Variants in ZNF609 observed in about 807,000 individuals in gnomAD.
The protein encoded by ZNF609 is zinc finger protein 609.
In ZNF609, 11 loss-of-function variants were observed where a neutral mutation model predicts 109.5. The ratio of observed to expected loss-of-function variants is 0.10; its 90% CI spans 0.06 to 0.17. The LOEUF is 0.17. ZNF609 is among the 10% of genes least tolerant of loss of function. The pLI, the probability that ZNF609 is intolerant of heterozygous loss-of-function variation, is 1.00. For missense variants in ZNF609, 1,559 were observed against 1,772.4 expected (o/e 0.88, Z 2.16); for synonymous variants, 646 against 662.0 (o/e 0.98, Z 0.37).
intron 2 of ZNF609, among the ~76,000 whole-genome samples, chr15:64,511,878 C>T (rs892720935): frequency 2.0e-5 from 3 of 151,792 alleles, no homozygotes; most frequent in Non-Finnish European, 4.4e-5. Context: ...CCACGCCCAG[C>T]TAATTTTTGT....
chr15:64,555,918 C>T (rs1434908692), intron 2 of ZNF609, among the ~76,000 whole-genome samples: 1 of 147,780 alleles, frequency 6.8e-6, no homozygotes, highest in Admixed American at 6.7e-5. Flanking sequence ...AAAAGAAAAC[C>T]TGAAGATTCA....
intron 3 of ZNF609, among the ~76,000 whole-genome samples, chr15:64,633,037 G>A (rs1007066386): frequency 6.6e-6 from 1 of 151,730 alleles, no homozygotes; most frequent in Non-Finnish European, 1.5e-5. Context: ...TCCTGCCTCA[G>A]CCTCACAAAG....
At position 64,674,928 on chromosome 15, in the gene ZNF609, G is replaced by T; in HGVS notation, c.2074G>T (p.Ala692Ser). The T allele has an allele frequency of 6.2e-7, 1 of 1,613,862 alleles. No individual in the cohort carries two copies. ...TTCCTCAGGCTTGACCGCCACAGTG[G>T]CACAAGCCATGCCCAACAGTCCCCA... Reference protein sequence around the residue: ...GSSSGLTATVAQAMPNSPQLK... With the variant: ...GSSSGLTATVSQAMPNSPQLK... The change falls in exon 5 of 10, where the codon GCA (alanine) becomes TCA (serine). Residue 692 changes from alanine to serine, a missense_variant. Transcript: ENST00000326648.
At chr15:64,588,874 G>T (rs1895247437) in intron 2 of ZNF609, among the ~76,000 whole-genome samples, 2 of 152,082 alleles carry the variant, frequency 1.3e-5, no homozygotes, top group Admixed American at 1.3e-4. Flanking sequence ...CTGACCTCGG[G>T]TTCGGGTTAT....
At chr15:64,481,397 C>T (rs375296833) in intron 1 of ZNF609, among the ~76,000 whole-genome samples, 58 of 149,948 alleles carry the variant, frequency 3.9e-4, no homozygotes, top group African/African-American at 1.4e-3. Flanking sequence ...CTCGGCTCAC[C>T]GCAACCTCTG....
At chr15:64,596,292 T>C (rs1895397286) in intron 2 of ZNF609, among the ~76,000 whole-genome samples, 1 of 152,134 alleles carries the variant, frequency 6.6e-6, no homozygotes, top group South Asian at 2.1e-4. Flanking sequence ...TAGCTGGGAT[T>C]ACAGGCATGC....
intron 3 of ZNF609, among the ~76,000 whole-genome samples, chr15:64,650,310 G>A (rs1421678303): frequency 6.6e-6 from 1 of 151,432 alleles, no homozygotes; most frequent in East Asian, 1.9e-4. Flanking sequence ...CCAGCTACTT[G>A]GGAGGCTGAG....
intron 3 of ZNF609, chr15:64,652,755 A>C (rs546847323): frequency 6.6e-6 from 1 of 151,908 alleles, no homozygotes; most frequent in Admixed American, 6.6e-5. Flanking sequence ...CTGATCTTCA[A>C]CTCCTGGACT....
chr15:64,564,851 T>C (rs1385934938), intron 2 of ZNF609, among the ~76,000 whole-genome samples: 2 of 151,848 alleles, frequency 1.3e-5, no homozygotes, highest in Non-Finnish European at 2.9e-5. Flanking sequence ...CTGTTTTTTT[T>C]TTTTTTTCTT....
chr15:64,484,956 A>G (rs996508550), intron 1 of ZNF609, among the ~76,000 whole-genome samples: 2 of 152,194 alleles, frequency 1.3e-5, no homozygotes, highest in Admixed American at 6.5e-5. Context: ...CTTGGGCGAC[A>G]GCGAGACTCC....
At chr15:64,679,470 C>G (rs2045865965) in intron 6 of ZNF609, among the ~76,000 whole-genome samples, 1 of 152,206 alleles carries the variant, frequency 6.6e-6, no homozygotes, top group South Asian at 2.1e-4. Flanking sequence ...TGGAAGGGCA[C>G]TGCTTTAGCC....
intron 1 of ZNF609, among the ~76,000 whole-genome samples, chr15:64,488,319 A>C (rs895259803): frequency 6.6e-6 from 1 of 152,240 alleles, no homozygotes. Context: ...GGGCATTGAT[A>C]TGATTCTGCT....
intron 3 of ZNF609, among the ~76,000 whole-genome samples, chr15:64,645,493 T>A (rs1896322570): frequency 6.6e-6 from 1 of 152,090 alleles, no homozygotes; most frequent in South Asian, 2.1e-4. Flanking sequence ...CCTGATTTTT[T>A]AGCTATGACA....
chr15:64,635,228 C>G (rs1301892235), intron 3 of ZNF609, among the ~76,000 whole-genome samples: 3 of 152,128 alleles, frequency 2.0e-5, no homozygotes, highest in Non-Finnish European at 4.4e-5. Flanking sequence ...AAATGAGATT[C>G]TTTTTATATT....
In ZNF609 at chr15:64,680,795, ACACCACCAC is replaced by A. The variant is rs747894291; in HGVS notation, c.4105_4113del (p.His1369_His1371del). ...CTCCTTCCCAGCGCCTGATGTCCACACACCACCACCACCACCACTTGGGGTACTCATTGC... is the reference window on the plus strand; with the variant it reads ...CTCCTTCCCAGCGCCTGATGTCCACACACCACCACTTGGGGTACTCATTGC... On this transcript the variant is annotated inframe_deletion, in exon 8 of 10. Transcript: ENST00000326648. The A allele has an allele frequency of 1.9e-6, 3 of 1,613,302 alleles. No individual in the cohort carries two copies. The highest frequency in any genetic ancestry group is 1.1e-5 in the South Asian group (1 of 91,054).
chr15:64,495,305 C>T (rs1484172660), intron 1 of ZNF609, among the ~76,000 whole-genome samples: 3 of 152,178 alleles, frequency 2.0e-5, no homozygotes, highest in African/African-American at 4.8e-5. Context: ...TTTCAGCTTA[C>T]AAAGTGCAGT....
chr15:64,522,687 G>A (rs1432931570), intron 2 of ZNF609, among the ~76,000 whole-genome samples: 1 of 152,110 alleles, frequency 6.6e-6, no homozygotes, highest in African/African-American at 2.4e-5. Context: ...TCTTCTCTTT[G>A]GAAAGAGGTG....
Position 64,675,716 on chromosome 15 carries a change from C to T in ZNF609, c.2862C>T (p.Ser954=), listed in dbSNP as rs188161498. The T allele has an allele frequency of 7.3e-5, 118 of 1,614,174 alleles. No individual in the cohort carries two copies. The East Asian group carries it at 2.6e-3, about 36-fold the overall frequency. ...CEEKKPELSS[S]SQQPSVIQQR... ...AAAAGAAGCCCGAGCTGAGCAGTTC[C>T]AGTCAGCAGCCCTCGGTCATCCAGC... Residue 954 remains serine, a synonymous_variant, in exon 5 of 10, where the codon TCC becomes TCT. Transcript: ENST00000326648.
At position 64,627,663 on chromosome 15, in the gene ZNF609, C is replaced by CTTTTT. The variant is rs35293725; in HGVS notation, c.973+4629_973+4633dup. On this transcript the variant is annotated intron_variant, in intron 3 of 9. Transcript: ENST00000326648. ...GTTCTTTTTAGTTCTTTTTTTCTTT[C>CTTTTT]TTTTTTTTTTTTTTTTTTTTTTGAG... 4.2e-3 allele frequency among the ~76,000 whole-genome samples: 364 copies of CTTTTT among 85,948 alleles called. 3 individuals carry two copies. The highest frequency in any genetic ancestry group is 0.025 in the Middle Eastern group (2 of 80). 56.4% of individuals were successfully genotyped at this position (85,948 alleles called of 152,430 possible). A position where few individuals can be genotyped will look rare whatever the true frequency, so the allele number is the denominator to read the frequency against.
Sources: allele counts gnomAD v4.1 joint callset (sites outside exome capture counted in the v4.1 genomes callset), GRCh38; gene constraint gnomAD v4.1.1; transcripts MANE v1.5; gene names NCBI Gene and HGNC (gene_info 2026-07-23, HGNC 2026-07-21).